The following ZSCAN5A variants were observed in gnomAD, a reference collection of about 807,000 sequenced individuals.
The protein encoded by ZSCAN5A is zinc finger and SCAN domain-containing protein 5A.
In ZSCAN5A, 12 loss-of-function variants were observed where a neutral mutation model predicts 23.7. The ratio of observed to expected loss-of-function variants is 0.51; its 90% CI spans 0.32 to 0.82. ZSCAN5A has a LOEUF of 0.82. Ranked by LOEUF, ZSCAN5A falls within the 40% of genes least tolerant of loss-of-function variation. ZSCAN5A has a pLI of 0.03. For missense variants in ZSCAN5A, 597 were observed against 617.9 expected (o/e 0.97, Z 0.36); for synonymous variants, 257 against 239.9 (o/e 1.07, Z -0.66).
chr19:56,280,932 G>C (rs2038647357), intron 2 of ZSCAN5A, among the ~76,000 whole-genome samples: 1 of 152,148 alleles, frequency 6.6e-6, no homozygotes, highest in Non-Finnish European at 1.5e-5. Flanking sequence ...CTTGAACAAT[G>C]TGAGAGTTAG....
chr19:56,258,957 A>G (rs1424602486), intron 2 of ZSCAN5A, among the ~76,000 whole-genome samples: 3 of 152,258 alleles, frequency 2.0e-5, no homozygotes, highest in African/African-American at 7.2e-5. Flanking sequence ...ACACACGGAG[A>G]GGACCTGAGA....
chr19:56,284,911 A>C (rs1382085446), intron 2 of ZSCAN5A: 1 of 605,202 alleles, frequency 1.7e-6, no homozygotes, highest in East Asian at 1.4e-4. Flanking sequence ...AGAGTTTGTT[A>C]CATCTGTTGA....
At chr19:56,319,025 G>C (rs899007105), upstream of ZSCAN5A, among the ~76,000 whole-genome samples, 1 of 152,098 alleles carries the variant, frequency 6.6e-6, no homozygotes, top group African/African-American at 2.4e-5. Flanking sequence ...TAAATCACTT[G>C]ATAATAAAAG....
At chr19:56,251,201 T>C (rs1410379875) in intron 2 of ZSCAN5A, among the ~76,000 whole-genome samples, 1 of 151,910 alleles carries the variant, frequency 6.6e-6, no homozygotes, top group Non-Finnish European at 1.5e-5. Flanking sequence ...TCAGTCTCTG[T>C]TACCCTCCGT....
chr19:56,239,449 G>T (rs1240729330), intron 2 of ZSCAN5A, among the ~76,000 whole-genome samples: 1 of 152,162 alleles, frequency 6.6e-6, no homozygotes, highest in Non-Finnish European at 1.5e-5. Context: ...CGTTTGAGAG[G>T]CCTCAGTCAG....
At chr19:56,222,481 G>A (rs543357183) in intron 5 of ZSCAN5A, 110 bp downstream of exon 5, 3 of 1,550,840 alleles carry the variant, frequency 1.9e-6, no homozygotes, top group Middle Eastern at 1.8e-4. Context: ...GGATGGGGAG[G>A]CTTTGACAGC....
chr19:56,291,023 C>T (rs778461849), intron 2 of ZSCAN5A, among the ~76,000 whole-genome samples: 1 of 152,184 alleles, frequency 6.6e-6, no homozygotes, highest in East Asian at 1.9e-4. Context: ...GGGCTGCAAG[C>T]CCCAGATTGT....
chr19:56,342,796 T>G, intron 2 of ZSCAN5A: 5 of 756,492 alleles, frequency 6.6e-6, no homozygotes, highest in Non-Finnish European at 1.2e-5. Flanking sequence ...AGTACTGAAC[T>G]GGGACCAATC....
intron 2 of ZSCAN5A, chr19:56,304,722 TA>T: frequency 1.1e-6 from 1 of 896,690 alleles, no homozygotes; most frequent in Non-Finnish European, 1.3e-6. Context: ...GAAAGGGAGG[TA>T]AGGAAGGAAT....
At chr19:56,343,348 C>T (rs979464854) in intron 2 of ZSCAN5A, 3 of 579,474 alleles carry the variant, frequency 5.2e-6, no homozygotes, top group Admixed American at 4.2e-5. Flanking sequence ...AAAATGAATG[C>T]AAGGTAGCAG....
At chr19:56,300,835 T>C (rs1221708794) in intron 2 of ZSCAN5A, among the ~76,000 whole-genome samples, 1 of 152,206 alleles carries the variant, frequency 6.6e-6, no homozygotes, top group Non-Finnish European at 1.5e-5. Context: ...AATGTAATAC[T>C]TTTAAAATAA....
chr19:56,302,058 T>C (rs1164231925), intron 2 of ZSCAN5A: 8 of 1,231,724 alleles, frequency 6.5e-6, no homozygotes, highest in African/African-American at 4.7e-5. Flanking sequence ...TACATGGTGA[T>C]GACCTACCTC....
At chr19:56,343,305 G>T in intron 2 of ZSCAN5A, 1 of 699,636 alleles carries the variant, frequency 1.4e-6, no homozygotes, top group South Asian at 1.6e-5. Context: ...AGTTTCTGAA[G>T]ACTACTGGAG....
chr19:56,308,427 G>A (rs1206594109), intron 2 of ZSCAN5A, among the ~76,000 whole-genome samples: 16 of 149,878 alleles, frequency 1.1e-4, no homozygotes, highest in Admixed American at 2.0e-4. Flanking sequence ...AGGTTCAAAC[G>A]ATTCTCCTGC....
At chr19:56,284,568 G>A (rs1044594064) in intron 2 of ZSCAN5A, among the ~76,000 whole-genome samples, 12 of 143,440 alleles carry the variant, frequency 8.4e-5, no homozygotes, top group Admixed American at 3.0e-4. Flanking sequence ...AGGCTGGAGT[G>A]CAGTGGCACA....
intron 2 of ZSCAN5A, chr19:56,285,116 G>C: frequency 4.9e-6 from 3 of 611,412 alleles, no homozygotes; most frequent in Non-Finnish European, 6.1e-6. Context: ...TTTAGGTAGA[G>C]TCTAAAGAAC....
At chr19:56,269,603 T>G (rs1414699559) in intron 2 of ZSCAN5A, among the ~76,000 whole-genome samples, 1 of 151,988 alleles carries the variant, frequency 6.6e-6, no homozygotes, top group Admixed American at 6.6e-5. Context: ...GGGAAATGGG[T>G]AACAGAGGGA....
At chr19:56,310,821 A>G (rs1341508239) in intron 2 of ZSCAN5A, among the ~76,000 whole-genome samples, 2 of 152,122 alleles carry the variant, frequency 1.3e-5, no homozygotes, top group African/African-American at 4.8e-5. Context: ...GGCTCTGGAG[A>G]CAGGTTTCTT....
At chr19:56,345,219 A>G (rs2041624068) in intron 2 of ZSCAN5A, among the ~76,000 whole-genome samples, 2 of 152,232 alleles carry the variant, frequency 1.3e-5, no homozygotes, top group South Asian at 2.1e-4. Flanking sequence ...CTGAAGTCAC[A>G]TAAACTTGAA....
Sources: allele counts gnomAD v4.1 joint callset (sites outside exome capture counted in the v4.1 genomes callset), GRCh38; gene constraint gnomAD v4.1.1; transcripts MANE v1.5; gene names NCBI Gene and HGNC (gene_info 2026-07-23, HGNC 2026-07-21).